The following GRM5 variants were observed in gnomAD, a reference collection of about 807,000 sequenced individuals.
GRM5 encodes the protein metabotropic glutamate receptor 5.
GRM5 carries 19 observed loss-of-function variants against 83.1 expected under a neutral mutation model. That is an observed-to-expected ratio of 0.23 (90% CI 0.16 to 0.34). The LOEUF (loss-of-function observed/expected upper bound fraction) is 0.34. GRM5 is among the 10% of genes least tolerant of loss of function. The pLI, the probability that GRM5 is intolerant of heterozygous loss-of-function variation, is 1.00. For missense variants in GRM5, 1,160 were observed against 1,588.3 expected (o/e 0.73, Z 4.58); for synonymous variants, 675 against 633.6 (o/e 1.07, Z -0.98).
chr11:88,527,891 C>T (rs933559869), intron 8 of GRM5, among the ~76,000 whole-genome samples: 1 of 151,862 alleles, frequency 6.6e-6, no homozygotes, highest in Non-Finnish European at 1.5e-5. Context: ...ACACTGAGTA[C>T]GCATGGACAC....
At chr11:88,735,559 G>A (rs1275393875) in intron 3 of GRM5, among the ~76,000 whole-genome samples, 1 of 151,980 alleles carries the variant, frequency 6.6e-6, no homozygotes. Context: ...CCTTCCCACT[G>A]ACTGGTAAAC....
intron 3 of GRM5, among the ~76,000 whole-genome samples, chr11:88,824,332 C>T (rs1943856065): frequency 6.6e-6 from 1 of 152,118 alleles, no homozygotes; most frequent in Non-Finnish European, 1.5e-5. Flanking sequence ...CAAGGAACTA[C>T]CAGAGCTAGA....
At chr11:89,002,973 C>T (rs1173032918) in intron 2 of GRM5, among the ~76,000 whole-genome samples, 1 of 144,956 alleles carries the variant, frequency 6.9e-6, no homozygotes, top group African/African-American at 2.4e-5. Context: ...TCTTAGTGTC[C>T]ATCTTTACAT....
intron 2 of GRM5, among the ~76,000 whole-genome samples, chr11:89,043,916 A>G (rs1351806405): frequency 1.3e-5 from 2 of 152,284 alleles, no homozygotes; most frequent in South Asian, 2.1e-4. Context: ...CTAGGAAGAA[A>G]GTTCTCACGT....
At chr11:88,853,991 C>T (rs1429959168) in intron 2 of GRM5, among the ~76,000 whole-genome samples, 8 of 149,404 alleles carry the variant, frequency 5.4e-5, no homozygotes, top group African/African-American at 2.0e-4. Flanking sequence ...CTCTCATGTT[C>T]ATGGCAGCAT....
intron 9 of GRM5, among the ~76,000 whole-genome samples, chr11:88,521,899 T>A (rs1318976216): frequency 6.6e-6 from 1 of 152,220 alleles, no homozygotes. Flanking sequence ...TGCTCTGCTC[T>A]GCTTCAACTG....
chr11:88,666,494 G>A (rs1027514414), intron 3 of GRM5, among the ~76,000 whole-genome samples: 1 of 152,184 alleles, frequency 6.6e-6, no homozygotes, highest in Non-Finnish European at 1.5e-5. Context: ...CAGGAGGAGA[G>A]AGGAGCAACA....
rs553997590 is a variant in GRM5, at chr11:88,918,919, A to G, written c.662-68764T>C. On this transcript the variant is annotated intron_variant, in intron 2 of 9. Coordinates refer to ENST00000305447, the MANE Select transcript of GRM5 (RefSeq NM_001143831.3). Reference sequence around the variant, plus strand: ...CACACACACACAAAATAAAAATCAAAAAATTAAAACATACCACCAGAGAAA... The same window carrying G: ...CACACACACACAAAATAAAAATCAAGAAATTAAAACATACCACCAGAGAAA... Among the ~76,000 whole-genome samples, 23 of 151,872 alleles carry G rather than the reference A, an allele frequency of 1.5e-4. No homozygotes were observed. The East Asian group carries it at 4.3e-3, about 28-fold the overall frequency.
chr11:88,987,174 G>C (rs960351450), intron 2 of GRM5, among the ~76,000 whole-genome samples: 2 of 152,142 alleles, frequency 1.3e-5, no homozygotes, highest in African/African-American at 2.4e-5. Context: ...AGCCGAAGCA[G>C]GGTGAGGCAT....
chr11:88,888,374 A>G (rs1178004479), intron 2 of GRM5, among the ~76,000 whole-genome samples: 1 of 152,170 alleles, frequency 6.6e-6, no homozygotes, highest in Non-Finnish European at 1.5e-5. Context: ...AAAAGAGAAG[A>G]TAGAGAAAGT....
intron 4 of GRM5, among the ~76,000 whole-genome samples, chr11:88,621,023 C>T (rs975157820): frequency 2.0e-5 from 3 of 152,140 alleles, no homozygotes; most frequent in Admixed American, 6.6e-5. Flanking sequence ...AGTTGGCAGC[C>T]CTCTGATGGA....
At chr11:88,615,297 A>C (rs1248172476) in intron 4 of GRM5, among the ~76,000 whole-genome samples, 2 of 152,180 alleles carry the variant, frequency 1.3e-5, no homozygotes, top group Non-Finnish European at 2.9e-5. Flanking sequence ...TTGGAAAACC[A>C]ACAAAATACC....
At chr11:89,009,634 C>T (rs1400912218) in intron 2 of GRM5, among the ~76,000 whole-genome samples, 28 of 151,538 alleles carry the variant, frequency 1.8e-4, no homozygotes, top group African/African-American at 5.8e-4. Context: ...CGGTGGCTCA[C>T]GCCTGTAATC....
intron 2 of GRM5, among the ~76,000 whole-genome samples, chr11:89,003,902 G>C (rs1940455413): frequency 6.6e-6 from 1 of 152,310 alleles, no homozygotes; most frequent in African/African-American, 2.4e-5. Context: ...CTCCAGTCAA[G>C]TATGGTGGCA....
chr11:88,561,298 T>C (rs1332836098), intron 8 of GRM5, among the ~76,000 whole-genome samples: 1 of 152,110 alleles, frequency 6.6e-6, no homozygotes, highest in East Asian at 1.9e-4. Flanking sequence ...GCAAAGTTAA[T>C]TAGTTAATTA....
intron 2 of GRM5, among the ~76,000 whole-genome samples, chr11:88,864,342 G>A (rs1172475709): frequency 1.3e-5 from 2 of 151,786 alleles, no homozygotes; most frequent in African/African-American, 2.4e-5. Flanking sequence ...AGAGTACAGT[G>A]GCGCTCCAGA....
intron 1 of GRM5, among the ~76,000 whole-genome samples, chr11:89,051,369 G>C (rs1168498784): frequency 6.6e-6 from 1 of 152,058 alleles, no homozygotes; most frequent in Non-Finnish European, 1.5e-5. Flanking sequence ...AGATGGAAAG[G>C]CAAGAAAGGT....
rs367925694 is a variant in GRM5, at chr11:88,749,688, G to A, written c.912-96285C>T. 1.6e-3 allele frequency among the ~76,000 whole-genome samples: 238 copies of A among 152,128 alleles called. 4 individuals carry two copies. The South Asian group carries it at 0.036, about 23-fold the overall frequency. ...GGAAGAAAAAATATTAAGGACAGCC[G>A]GAGAGAAAGGCCAGGTCACTTACAA... On this transcript the variant is annotated intron_variant, in intron 3 of 9. Coordinates refer to ENST00000305447, the MANE Select transcript of GRM5 (RefSeq NM_001143831.3).
chr11:88,903,636 A>C (rs1163721229), intron 2 of GRM5, among the ~76,000 whole-genome samples: 1 of 152,218 alleles, frequency 6.6e-6, no homozygotes, highest in Non-Finnish European at 1.5e-5. Flanking sequence ...TAAGTAAAAC[A>C]AATCAGACAC....
Sources: gnomAD v4.1 joint callset for allele counts (sites outside exome capture counted in the v4.1 genomes callset) on GRCh38, gnomAD v4.1.1 for gene constraint, MANE v1.5 for transcripts, NCBI Gene and HGNC (gene_info 2026-07-23, HGNC 2026-07-21) for gene names.